The following FNIP2 variants were observed in gnomAD, a reference collection of about 807,000 sequenced individuals.
The protein encoded by FNIP2 is folliculin-interacting protein 2.
Under a neutral mutation model 108.7 loss-of-function variants are expected in FNIP2, and 32 were observed. The ratio of observed to expected loss-of-function variants is 0.29; its 90% confidence interval spans 0.22 to 0.40. FNIP2 has a LOEUF of 0.40. FNIP2 is among the 10% of genes least tolerant of loss of function. FNIP2 has a pLI of 1.00. For synonymous variants in FNIP2, 480 were observed against 496.7 expected (o/e 0.97, Z 0.45); for missense variants, 1,202 against 1,381.6 (o/e 0.87, Z 2.06).
In FNIP2 at chr4:158,769,216, GC is replaced by G; in HGVS notation, c.8del (p.Pro3ArgfsTer42). On this transcript the variant is annotated frameshift_variant, in exon 1 of 17. Coordinates refer to ENST00000264433, the MANE Select transcript of FNIP2 (RefSeq NM_020840.3). LOFTEE classifies it high-confidence loss of function. ...CCGGAGCTGCGGCGGCGGCATCATGGCCCCGACCCTGCTCCAGAAGCTCTTC... is the reference window on the plus strand; with the variant it reads ...CCGGAGCTGCGGCGGCGGCATCATGGCCCGACCCTGCTCCAGAAGCTCTTC... Reference protein sequence around the residue: MAPTLLQKLFNK... With the variant: MXPTLLQKLFNK... 6.8e-7 allele frequency: 1 copy of G among 1,462,432 alleles called. No homozygotes were observed. The allele number at this position is 1,462,432 out of a possible 1,614,324, so 90.6% of individuals were successfully genotyped here.
intron 1 of FNIP2, chr4:158,796,040 A>AAG (rs1179189656): frequency 2.6e-5 from 4 of 152,134 alleles, no homozygotes; most frequent in Admixed American, 6.5e-5. Flanking sequence ...GCCAAGGGGA[A>AAG]AGTTGAACCA....
At chr4:158,781,847 C>T (rs889982451) in intron 1 of FNIP2, among the ~76,000 whole-genome samples, 11 of 152,000 alleles carry the variant, frequency 7.2e-5, no homozygotes, top group South Asian at 2.1e-4. Context: ...TCAAACCTGA[C>T]TCTCCCACTT....
chr4:158,870,504 A>G (rs754952792), intron 14 of FNIP2, 35 bp downstream of exon 14: 1 of 1,573,526 alleles, frequency 6.4e-7, no homozygotes, highest in South Asian at 1.1e-5. Context: ...CTGGCTGCTG[A>G]CAGTGTGTCA....
At chr4:158,870,499 T>TGCTGACAGTGTGTCAGTCAAGGTCTTG (rs1402131393) in intron 14 of FNIP2, 30 bp downstream of exon 14, 84 of 1,578,106 alleles carry the variant, frequency 5.3e-5, no homozygotes, top group Non-Finnish European at 7.0e-5. Context: ...AGCCTCTGGC[T>TGCTGACAGTGTGTCAGTCAAGGTCTTG]GCTGACAGTG....
intron 1 of FNIP2, among the ~76,000 whole-genome samples, chr4:158,807,866 G>A (rs1048311622): frequency 5.3e-5 from 8 of 152,208 alleles, no homozygotes; most frequent in African/African-American, 1.9e-4. Flanking sequence ...TGTTTGTAGA[G>A]GAGGAGGTAA....
chr4:158,782,902 A>G (rs1010292874), intron 1 of FNIP2, among the ~76,000 whole-genome samples: 4 of 152,188 alleles, frequency 2.6e-5, no homozygotes, highest in African/African-American at 9.7e-5. Context: ...GCTTGCTCCA[A>G]CTAAAGCTGT....
At position 158,907,557 on chromosome 4, in the gene FNIP2, CATAAAA is replaced by C. The variant is rs1465155019; in HGVS notation, c.*3018_*3023del. On this transcript the variant is annotated 3_prime_UTR_variant, in exon 17 of 17. Coordinates refer to ENST00000264433, the MANE Select transcript of FNIP2 (RefSeq NM_020840.3). ...AGGTTCTTCACTAGAGTTGGTTGTA[CATAAAA>C]ATAATAAAGAATATAAAGTATCCCA... The C allele has an allele frequency of 2.6e-5, 4 of 152,080 alleles. No homozygotes were observed. The highest frequency in any genetic ancestry group is 5.9e-5 in the Non-Finnish European group (4 of 68,018). The allele number at this position is 152,080 out of a possible 1,614,324, so 9.4% of individuals were successfully genotyped here.
rs34096714 is a variant in FNIP2 at position 158,880,877 on chromosome 4, G to A, written c.2949+10408G>A. The stretch of plus-strand genomic sequence containing the variant: ...GTTATATAGGTGGGTCTTCTCCTCT[G>A]AGGAGGCAGAGGAATACCAAAGGGG... On this transcript the variant is annotated intron_variant, in intron 14 of 16. Coordinates refer to ENST00000264433, the MANE Select transcript of FNIP2 (RefSeq NM_020840.3). 4.8e-3 allele frequency among the ~76,000 whole-genome samples: 728 copies of A among 152,208 alleles called. 3 individuals carry two copies. The Middle Eastern group carries it at 0.051, about 11-fold the overall frequency.
intron 7 of FNIP2, among the ~76,000 whole-genome samples, chr4:158,840,492 T>C (rs1187552321): frequency 1.3e-5 from 2 of 151,946 alleles, no homozygotes; most frequent in African/African-American, 4.8e-5. Context: ...GTCTCCCAGG[T>C]TCAAGCTATT....
In FNIP2 at chr4:158,858,475, A is replaced by G. The variant is rs559126766; in HGVS notation, c.858-582A>G. Among the ~76,000 whole-genome samples, 3 of 152,312 alleles carry G rather than the reference A, an allele frequency of 2.0e-5. No individual in the cohort carries two copies. In the East Asian group the frequency reaches 5.8e-4, roughly 29 times the overall value. The stretch of plus-strand genomic sequence containing the variant: ...TCATCATAGAAGCCGAGTCTCTCAA[A>G]AGAATCAGGTTTTTTGAAAATTTTA... On this transcript the variant is annotated intron_variant, in intron 8 of 16. Coordinates refer to ENST00000264433, the MANE Select transcript of FNIP2 (RefSeq NM_020840.3).
chr4:158,826,674 G>C (rs900796289), intron 2 of FNIP2, among the ~76,000 whole-genome samples: 1 of 152,142 alleles, frequency 6.6e-6, no homozygotes, highest in Non-Finnish European at 1.5e-5. Context: ...AGTGAGGATA[G>C]AGCAGCTCTT....
At chr4:158,790,100 A>G (rs1776361620) in intron 1 of FNIP2, among the ~76,000 whole-genome samples, 1 of 151,916 alleles carries the variant, frequency 6.6e-6, no homozygotes, top group African/African-American at 2.4e-5. Flanking sequence ...CTTTCCGGCT[A>G]TGTATATATA....
At chr4:158,774,757 T>C (rs972100893) in intron 1 of FNIP2, among the ~76,000 whole-genome samples, 2 of 152,292 alleles carry the variant, frequency 1.3e-5, no homozygotes, top group African/African-American at 4.8e-5. Context: ...AGGAGCTGCA[T>C]GCAGCTCAAG....
chr4:158,883,949 C>CTTTTTTTTTTTTTTTTTTTTTTTTTT (rs33942642), intron 14 of FNIP2, among the ~76,000 whole-genome samples: 1 of 89,000 alleles, frequency 1.1e-5, no homozygotes, highest in Non-Finnish European at 2.3e-5. Flanking sequence ...TTAATAAGCT[C>CTTTTTTTTTTTTTTTTTTTTTTTTTT]TTTTTTTTTT....
Position 158,905,670 on chromosome 4 carries a change from C to A in FNIP2, c.*1126C>A. On this transcript the variant is annotated 3_prime_UTR_variant, in exon 17 of 17. Coordinates refer to ENST00000264433, the MANE Select transcript of FNIP2 (RefSeq NM_020840.3). ...AACTTACACATTGTATAAAACCGAC[C>A]AAAATGATTTCCTAAAGTTCATGCA... 1.4e-5 allele frequency: 2 copies of A among 143,660 alleles called. No homozygotes were observed. 8.9% of individuals were successfully genotyped at this position (143,660 alleles called of 1,614,324 possible). A position where few individuals can be genotyped will look rare whatever the true frequency, so the allele number is the denominator to read the frequency against.
At chr4:158,808,224 T>C (rs900856449) in intron 1 of FNIP2, among the ~76,000 whole-genome samples, 1 of 152,226 alleles carries the variant, frequency 6.6e-6, no homozygotes, top group African/African-American at 2.4e-5. Context: ...GATCCCCAGA[T>C]AGTTATTTAG....
chr4:158,866,716 C>T (rs1780603411), intron 12 of FNIP2, among the ~76,000 whole-genome samples: 1 of 151,996 alleles, frequency 6.6e-6, no homozygotes, highest in South Asian at 2.1e-4. Flanking sequence ...GCTGGGATTA[C>T]AGGTGTCTGC....
chr4:158,854,974 A>G (rs571571388), intron 8 of FNIP2, among the ~76,000 whole-genome samples: 2 of 152,200 alleles, frequency 1.3e-5, no homozygotes, highest in South Asian at 4.1e-4. Context: ...TAGGTTTTAC[A>G]GTTAGCTTTG....
At chr4:158,804,776 T>C (rs1003775274) in intron 1 of FNIP2, among the ~76,000 whole-genome samples, 1 of 152,188 alleles carries the variant, frequency 6.6e-6, no homozygotes, top group Non-Finnish European at 1.5e-5. Context: ...AAAGGCAGTT[T>C]ATGGGAAGAA....
Sources: gnomAD v4.1 joint callset for allele counts (sites outside exome capture counted in the v4.1 genomes callset) on GRCh38, gnomAD v4.1.1 for gene constraint, MANE v1.5 for transcripts, NCBI Gene and HGNC (gene_info 2026-07-23, HGNC 2026-07-21) for gene names.